The following EPHA6 variants were observed in gnomAD, a reference collection of about 807,000 sequenced individuals.
The protein encoded by EPHA6 is EPH receptor A6.
EPHA6 carries 50 observed loss-of-function variants against 112.0 expected under a neutral mutation model. The ratio of observed to expected loss-of-function variants is 0.45; its 90% CI spans 0.36 to 0.56. The LOEUF is 0.56. Ranked by LOEUF, EPHA6 falls within the 20% of genes least tolerant of loss-of-function variation. The probability of loss-of-function intolerance (pLI) is 0.00; values close to 1 mark genes in which losing one functional copy is unlikely to be tolerated. For missense variants in EPHA6, 1,280 were observed against 1,417.4 expected, an observed-to-expected ratio of 0.90 and a Z score of 1.56; for synonymous variants, 529 against 490.7, an observed-to-expected ratio of 1.08 and a Z score of -1.03.
chr3:96,985,307 A>G (rs1276814069), intron 2 of EPHA6, among the ~76,000 whole-genome samples: 1 of 152,174 alleles, frequency 6.6e-6, no homozygotes, highest in Non-Finnish European at 1.5e-5. Context: ...AATTATAAAT[A>G]TATTCAAAAT....
chr3:97,246,175 C>T (rs2078981558), intron 5 of EPHA6, among the ~76,000 whole-genome samples: 1 of 151,944 alleles, frequency 6.6e-6, no homozygotes, highest in African/African-American at 2.4e-5. Context: ...TTCTGTTCCT[C>T]TCTGCTTCAG....
At chr3:97,662,071 C>G (rs987893924) in intron 14 of EPHA6, among the ~76,000 whole-genome samples, 5 of 152,070 alleles carry the variant, frequency 3.3e-5, no homozygotes, top group African/African-American at 1.2e-4. Context: ...CCTAGTGACC[C>G]TTTGTAGCTC....
At chr3:96,892,954 A>ATATGTG (rs1420399065) in intron 2 of EPHA6, among the ~76,000 whole-genome samples, 30 of 132,424 alleles carry the variant, frequency 2.3e-4, no homozygotes, top group South Asian at 2.1e-3. Flanking sequence ...ATATATATAT[A>ATATGTG]TGTGTGTGTG....
At chr3:97,533,134 A>G (rs2092714118) in intron 11 of EPHA6, among the ~76,000 whole-genome samples, 1 of 152,010 alleles carries the variant, frequency 6.6e-6, no homozygotes, top group African/African-American at 2.4e-5. Context: ...AATATCCTCT[A>G]AGAAATAGAT....
chr3:97,222,829 T>C (rs553330529), intron 3 of EPHA6, among the ~76,000 whole-genome samples: 1 of 152,334 alleles, frequency 6.6e-6, no homozygotes, highest in East Asian at 1.9e-4. Context: ...TCTGCTCTTG[T>C]GGTGCTTACA....
intron 5 of EPHA6, among the ~76,000 whole-genome samples, chr3:97,382,715 T>C (rs2085827141): frequency 6.6e-6 from 1 of 151,966 alleles, no homozygotes; most frequent in African/African-American, 2.4e-5. Context: ...GAAAATACAA[T>C]CAGTCAAATA....
intron 3 of EPHA6, among the ~76,000 whole-genome samples, chr3:97,093,970 G>C (rs1301650981): frequency 1.3e-5 from 2 of 152,020 alleles, no homozygotes; most frequent in Non-Finnish European, 2.9e-5. Context: ...TATCGCTTCA[G>C]ATACAGCGTG....
intron 13 of EPHA6, among the ~76,000 whole-genome samples, chr3:97,631,176 T>C (rs576884752): frequency 3.9e-5 from 6 of 152,114 alleles, no homozygotes; most frequent in African/African-American, 1.4e-4. Context: ...GCAGATAATA[T>C]GGGTGAGGAT....
chr3:97,110,609 C>G (rs950535079), intron 3 of EPHA6, among the ~76,000 whole-genome samples: 8 of 152,072 alleles, frequency 5.3e-5, no homozygotes, highest in South Asian at 4.1e-4. Context: ...ACTGCAGCCT[C>G]TGTCTCCAGG....
At chr3:97,721,664 C>T (rs987114206) in intron 15 of EPHA6, among the ~76,000 whole-genome samples, 2 of 152,168 alleles carry the variant, frequency 1.3e-5, no homozygotes, top group African/African-American at 2.4e-5. Flanking sequence ...TAACCAGCAA[C>T]CTTTGCTCCA....
intron 5 of EPHA6, among the ~76,000 whole-genome samples, chr3:97,310,879 A>G (rs2081527630): frequency 1.3e-5 from 2 of 151,760 alleles, no homozygotes; most frequent in Non-Finnish European, 3.0e-5. Context: ...TGTATGGTAC[A>G]ATGAAGATTA....
At chr3:97,640,683 G>C (rs1377649906) in intron 14 of EPHA6, among the ~76,000 whole-genome samples, 1 of 152,110 alleles carries the variant, frequency 6.6e-6, no homozygotes, top group African/African-American at 2.4e-5. Context: ...GGCAGGCTGA[G>C]GCAGGAGAAC....
intron 5 of EPHA6, among the ~76,000 whole-genome samples, chr3:97,346,403 CCTTCAAACAGATATAATAAGTGT>C: frequency 6.6e-6 from 1 of 152,188 alleles, no homozygotes; most frequent in Admixed American, 6.5e-5. Flanking sequence ...ATAATAAATG[CCTTCAAACAGATATAATAAGTGT>C]CTTCAAAGTA....
At chr3:96,879,357 A>G (rs1012018413) in intron 2 of EPHA6, among the ~76,000 whole-genome samples, 5 of 152,124 alleles carry the variant, frequency 3.3e-5, no homozygotes, top group Non-Finnish European at 5.9e-5. Flanking sequence ...AACACATCAA[A>G]AACACACACT....
intron 3 of EPHA6, among the ~76,000 whole-genome samples, chr3:97,100,425 G>A (rs2047370451): frequency 6.6e-6 from 1 of 151,682 alleles, no homozygotes; most frequent in South Asian, 2.1e-4. Flanking sequence ...TTTCTCAGGT[G>A]CAACCATAAT....
At chr3:97,607,810 A>C (rs2093690780) in intron 12 of EPHA6, among the ~76,000 whole-genome samples, 1 of 151,200 alleles carries the variant, frequency 6.6e-6, no homozygotes, top group African/African-American at 2.4e-5. Flanking sequence ...AGAAAGAGAT[A>C]ATAAATTACT....
intron 13 of EPHA6, among the ~76,000 whole-genome samples, chr3:97,612,984 T>C (rs1277007619): frequency 6.6e-6 from 1 of 152,102 alleles, no homozygotes; most frequent in Non-Finnish European, 1.5e-5. Context: ...TTACTACTTT[T>C]CCTTATAAGT....
Position 96,931,010 on chromosome 3 carries a change from A to C in EPHA6, c.451-56320A>C, listed in dbSNP as rs1473956491. Among the ~76,000 whole-genome samples, 2 of 148,036 alleles carry C rather than the reference A, an allele frequency of 1.4e-5. 1 individual carries two copies. Among genetic ancestry groups the C allele is most frequent in the African/African-American group, 5.0e-5 (2 of 40,224 alleles). ...CTGTCTCCAAAAAAAAAAAAAAAAA[A>C]AAAAAAAAAAAGAAAAGCTTTCTGG... On this transcript the variant is annotated intron_variant, in intron 2 of 17. Transcript: ENST00000389672.
intron 2 of EPHA6, among the ~76,000 whole-genome samples, chr3:96,967,018 T>G (rs969230465): frequency 1.3e-5 from 2 of 151,896 alleles, no homozygotes; most frequent in Non-Finnish European, 2.9e-5. Flanking sequence ...AAAATAACAT[T>G]TTCCTTGTGT....
Sources: gnomAD v4.1 joint callset for allele counts (sites outside exome capture counted in the v4.1 genomes callset) on GRCh38, gnomAD v4.1.1 for gene constraint, MANE v1.5 for transcripts, NCBI Gene and HGNC (gene_info 2026-07-23, HGNC 2026-07-21) for gene names.